The following MORC1 variants were observed in gnomAD, a reference collection of about 807,000 sequenced individuals.
MORC1 encodes MORC family CW-type zinc finger protein 1.
In MORC1, 59 loss-of-function variants were observed where a neutral mutation model predicts 134.9. The observed-to-expected ratio is 0.44, with a 90% CI of 0.35 to 0.54. The LOEUF (loss-of-function observed/expected upper bound fraction) is 0.54. MORC1 is among the 20% of genes least tolerant of loss of function. The probability of loss-of-function intolerance (pLI) is 0.00; values close to 1 mark genes in which losing one functional copy is unlikely to be tolerated. For synonymous variants in MORC1, 395 were observed against 391.7 expected (o/e 1.01, Z -0.10); for missense variants, 947 against 1,134.5 (o/e 0.83, Z 2.37).
intron 17 of MORC1, among the ~76,000 whole-genome samples, chr3:109,025,674 T>G (rs1393442451): frequency 6.6e-6 from 1 of 152,128 alleles, no homozygotes; most frequent in Non-Finnish European, 1.5e-5. Flanking sequence ...TGAGCCACCA[T>G]GCCCAACACC....
rs921035162 is a variant in MORC1, at chr3:109,107,561, G to A, written c.154+3188C>T. Among the ~76,000 whole-genome samples the A allele has an allele frequency of 1.1e-4, 16 of 151,936 alleles. No individual in the cohort carries two copies. The East Asian group carries it at 1.2e-3, about 11-fold the overall frequency. On this transcript the variant is annotated intron_variant, in intron 3 of 27. Transcript: ENST00000232603. ...TACACACAAACGTATAAAACACCACGGGAAACATATTTCATTTGAATTTTA... is the reference window on the plus strand; with the variant it reads ...TACACACAAACGTATAAAACACCACAGGAAACATATTTCATTTGAATTTTA...
At chr3:109,110,166 G>A (rs1019415622) in intron 3 of MORC1, 1 of 152,338 alleles carries the variant, frequency 6.6e-6, no homozygotes, top group African/African-American at 2.4e-5. Context: ...GTGACCAGTA[G>A]CCAATATTGC....
intron 21 of MORC1, among the ~76,000 whole-genome samples, chr3:108,990,500 G>C (rs1576603730): frequency 6.6e-6 from 1 of 152,128 alleles, no homozygotes; most frequent in Non-Finnish European, 1.5e-5. Context: ...ACTCAGTGGG[G>C]CCATCTGCGG....
intron 9 of MORC1, 40 bp from the exon 10 acceptor site, chr3:109,063,271 C>A (rs367881453): frequency 1.5e-6 from 2 of 1,303,336 alleles, no homozygotes; most frequent in South Asian, 1.2e-5. Flanking sequence ...GTCAGATTAT[C>A]ATTTTAAAAT....
chr3:108,958,943 A>G lies in MORC1; in HGVS notation c.*22T>C. ...TCCAATTTTCTTATTAGCATTTTTT[A>G]AAAGGTAATACCATCTCTGACTTAA... On this transcript the variant is annotated 3_prime_UTR_variant, in exon 28 of 28. Transcript: ENST00000232603. The G allele has an allele frequency of 1.4e-6, 2 of 1,413,612 alleles. No individual in the cohort carries two copies. The highest frequency in any genetic ancestry group is 2.6e-4 in the Middle Eastern group (1 of 3,796). 87.6% of individuals were successfully genotyped at this position (1,413,612 alleles called of 1,614,324 possible).
rs533147594 is a variant in MORC1 at position 108,983,035 on chromosome 3, AC to A, written c.2324+1680del. 3.1e-4 allele frequency among the ~76,000 whole-genome samples: 47 copies of A among 152,294 alleles called. 1 individual carries two copies. Among genetic ancestry groups the A allele is most frequent in the South Asian group, 2.1e-3 (10 of 4,830 alleles). Reference sequence around the variant, plus strand: ...AGTCAACAGTGATTCCAAAAAAAAAACAATCTCATAAAGACCAAAAAGTATT... The same window carrying A: ...AGTCAACAGTGATTCCAAAAAAAAAAAATCTCATAAAGACCAAAAAGTATT... On this transcript the variant is annotated intron_variant, in intron 23 of 27. Transcript: ENST00000232603.
intron 9 of MORC1, among the ~76,000 whole-genome samples, chr3:109,069,155 A>C (rs1421756232): frequency 1.3e-5 from 2 of 152,232 alleles, no homozygotes; most frequent in East Asian, 3.8e-4. Context: ...ACTCTGTCTC[A>C]AAACAACAAC....
At chr3:108,973,935 G>A (rs1947472609) in intron 24 of MORC1, among the ~76,000 whole-genome samples, 1 of 152,062 alleles carries the variant, frequency 6.6e-6, no homozygotes, top group African/African-American at 2.4e-5. Context: ...ATTGTGCTAA[G>A]CACTGCTATC....
At chr3:109,041,048 A>T (rs1022992317) in intron 14 of MORC1, among the ~76,000 whole-genome samples, 1 of 152,012 alleles carries the variant, frequency 6.6e-6, no homozygotes, top group African/African-American at 2.4e-5. Flanking sequence ...GTGGTGGCTC[A>T]CGCCTGTAAT....
chr3:109,049,187 C>G, intron 14 of MORC1: 2 of 983,086 alleles, frequency 2.0e-6, no homozygotes, highest in Non-Finnish European at 2.4e-6. Flanking sequence ...TTTCTGAGAT[C>G]TTAGAGACTA....
At chr3:109,023,139 A>G (rs1405394537) in intron 17 of MORC1, among the ~76,000 whole-genome samples, 3 of 152,236 alleles carry the variant, frequency 2.0e-5, no homozygotes, top group Non-Finnish European at 4.4e-5. Flanking sequence ...AGGGATTGGC[A>G]ATAGTTTTGG....
chr3:109,044,448 C>A (rs1163028798), intron 14 of MORC1, among the ~76,000 whole-genome samples: 1 of 151,424 alleles, frequency 6.6e-6, no homozygotes, highest in Non-Finnish European at 1.5e-5. Context: ...GTCCCAGCTA[C>A]TTGGGAGGCT....
intron 8 of MORC1, among the ~76,000 whole-genome samples, chr3:109,074,563 T>C (rs532444464): frequency 6.6e-6 from 1 of 152,166 alleles, no homozygotes; most frequent in African/African-American, 2.4e-5. Context: ...AAATTCCCTC[T>C]CTCACCCTAA....
At chr3:109,036,218 G>C (rs890057584) in intron 14 of MORC1, among the ~76,000 whole-genome samples, 1 of 152,072 alleles carries the variant, frequency 6.6e-6, no homozygotes, top group African/African-American at 2.4e-5. Flanking sequence ...TAAAACGGAG[G>C]AAGTAGAGCT....
At chr3:108,970,512 A>C (rs1352695701) in intron 25 of MORC1, among the ~76,000 whole-genome samples, 1 of 152,174 alleles carries the variant, frequency 6.6e-6, no homozygotes, top group Non-Finnish European at 1.5e-5. Flanking sequence ...GTAGAGGGTA[A>C]AGAGGCAGAA....
chr3:109,019,495 T>C (rs1948904898), intron 17 of MORC1, among the ~76,000 whole-genome samples: 1 of 148,926 alleles, frequency 6.7e-6, no homozygotes, highest in African/African-American at 2.5e-5. Flanking sequence ...TAAGAATCAA[T>C]CCTACATTTC....
At chr3:108,992,823 T>C (rs189054293) in intron 21 of MORC1, among the ~76,000 whole-genome samples, 78 of 152,292 alleles carry the variant, frequency 5.1e-4, no homozygotes, top group Non-Finnish European at 8.8e-4. Flanking sequence ...AAGCTCACTC[T>C]TTAAGCTCTC....
At chr3:108,967,475 T>C (rs940943933) in intron 26 of MORC1, among the ~76,000 whole-genome samples, 9 of 152,126 alleles carry the variant, frequency 5.9e-5, no homozygotes, top group African/African-American at 2.2e-4. Context: ...GACAATGAAT[T>C]CCTGGTGGGC....
At chr3:109,036,990 T>C (rs1176229623) in intron 14 of MORC1, among the ~76,000 whole-genome samples, 1 of 152,226 alleles carries the variant, frequency 6.6e-6, no homozygotes, top group African/African-American at 2.4e-5. Context: ...ATTTCTACTT[T>C]ATCTACTGTT....
Sources: allele counts gnomAD v4.1 joint callset (sites outside exome capture counted in the v4.1 genomes callset), GRCh38; gene constraint gnomAD v4.1.1; transcripts MANE v1.5; gene names NCBI Gene and HGNC (gene_info 2026-07-23, HGNC 2026-07-21).